BLNK: variants seen among roughly 807,000 people sequenced by gnomAD.
BLNK encodes the protein B-cell linker protein.
BLNK carries 29 observed loss-of-function variants against 73.5 expected under a neutral mutation model. The ratio of observed to expected loss-of-function variants is 0.39; its 90% CI spans 0.29 to 0.54. BLNK has a LOEUF of 0.54. Ranked by LOEUF, BLNK falls within the 20% of genes least tolerant of loss-of-function variation. BLNK has a pLI of 0.61. For synonymous variants in BLNK, 176 were observed against 200.8 expected (o/e 0.88, Z 1.04); for missense variants, 460 against 562.8 (o/e 0.82, Z 1.85).
chr10:96,241,844 C>A lies in BLNK; in HGVS notation c.163+891G>T, dbSNP rs868944463. ...CTCAGTGATCCTCCCACCTCAGCCT[C>A]CTGAGTAGCTGGGACTACAGGTGCA... On this transcript the variant is annotated intron_variant, in intron 3 of 16. Coordinates refer to ENST00000224337, the MANE Select transcript of BLNK (RefSeq NM_013314.4). 1.6e-4 allele frequency among the ~76,000 whole-genome samples: 25 copies of A among 152,072 alleles called. No homozygotes were observed. In the Middle Eastern group the frequency reaches 0.014, roughly 83 times the overall value.
intron 16 of BLNK, among the ~76,000 whole-genome samples, chr10:96,192,386 C>T (rs1270120388): frequency 1.3e-5 from 2 of 152,000 alleles, no homozygotes; most frequent in Non-Finnish European, 2.9e-5. Flanking sequence ...TTTTATTTAC[C>T]GTTAAATGTA....
chr10:96,202,931 T>C (rs12762814), intron 13 of BLNK, among the ~76,000 whole-genome samples: 88,351 of 152,048 alleles, frequency 0.58, 26,342 homozygotes, highest in Non-Finnish European at 0.64. Flanking sequence ...TCTCAGACCA[T>C]CCTGTCTACA....
At chr10:96,249,034 A>T (rs782712209) in intron 1 of BLNK, among the ~76,000 whole-genome samples, 18 of 152,244 alleles carry the variant, frequency 1.2e-4, no homozygotes, top group Non-Finnish European at 2.1e-4. Context: ...ATAAAATTTC[A>T]CGTGGTTCTT....
At chr10:96,250,904 A>G (rs1843257708) in intron 1 of BLNK, among the ~76,000 whole-genome samples, 2 of 152,244 alleles carry the variant, frequency 1.3e-5, no homozygotes, top group Admixed American at 6.5e-5. Flanking sequence ...GTTGATGCAT[A>G]ATAGCAGTAG....
intron 8 of BLNK, among the ~76,000 whole-genome samples, chr10:96,210,863 G>GTTTTTGTTTTTTT (rs1564821379): frequency 8.2e-6 from 1 of 121,950 alleles, no homozygotes; most frequent in Non-Finnish European, 1.7e-5. Context: ...CCACAATTCC[G>GTTTTTGTTTTTTT]TTTTTTTTTT....
At chr10:96,265,111 A>G (rs1395507655) in intron 1 of BLNK, among the ~76,000 whole-genome samples, 3 of 134,956 alleles carry the variant, frequency 2.2e-5, no homozygotes, top group Admixed American at 7.8e-5. Flanking sequence ...GCATGCCACC[A>G]CACCAGACTT....
chr10:96,268,558 A>G (rs1206707880), intron 1 of BLNK, among the ~76,000 whole-genome samples: 1 of 152,160 alleles, frequency 6.6e-6, no homozygotes, highest in Non-Finnish European at 1.5e-5. Flanking sequence ...GTCACAAGCA[A>G]CTTAGCCATC....
chr10:96,194,891 C>T (rs2083423994), intron 16 of BLNK, among the ~76,000 whole-genome samples: 1 of 150,660 alleles, frequency 6.6e-6, no homozygotes, highest in Non-Finnish European at 1.5e-5. Flanking sequence ...CTGCCTCAGC[C>T]TCCTGTGTAG....
chr10:96,215,479 G>A, intron 7 of BLNK, 90 bp from the exon 8 acceptor site: 1 of 1,262,268 alleles, frequency 7.9e-7, no homozygotes, highest in Non-Finnish European at 1.1e-6. Context: ...TCACACTCAG[G>A]GAAAAATGAT....
chr10:96,250,839 T>C (rs1420211786), intron 1 of BLNK, among the ~76,000 whole-genome samples: 3 of 152,256 alleles, frequency 2.0e-5, no homozygotes, highest in Non-Finnish European at 4.4e-5. Context: ...TTATACTATG[T>C]AACTATATAA....
chr10:96,219,215 T>A (rs1157767931), intron 6 of BLNK, among the ~76,000 whole-genome samples: 1 of 152,220 alleles, frequency 6.6e-6, no homozygotes, highest in Non-Finnish European at 1.5e-5. Context: ...CCTCACTGAA[T>A]TGAATTGAAA....
chr10:96,230,251 G>A (rs1283895707), intron 4 of BLNK, among the ~76,000 whole-genome samples: 2 of 152,140 alleles, frequency 1.3e-5, no homozygotes, highest in Non-Finnish European at 2.9e-5. Context: ...ATGTTCTCTT[G>A]ATCACAGCAA....
intron 1 of BLNK, among the ~76,000 whole-genome samples, chr10:96,266,317 C>T (rs1283621930): frequency 3.9e-5 from 6 of 152,262 alleles, no homozygotes; most frequent in African/African-American, 7.2e-5. Context: ...GAAACCTAAT[C>T]AATTGTATCA....
At chr10:96,254,520 G>T (rs962301675) in intron 1 of BLNK, among the ~76,000 whole-genome samples, 3,222 of 141,688 alleles carry the variant, frequency 0.023, 113 homozygotes, top group African/African-American at 0.075. Flanking sequence ...GTTTTGTTTT[G>T]TTTTTTTGAG....
chr10:96,254,636 G>A (rs1277816648), intron 1 of BLNK, among the ~76,000 whole-genome samples: 4 of 152,010 alleles, frequency 2.6e-5, no homozygotes, highest in South Asian at 2.1e-4. Context: ...TCAGCCTCCC[G>A]AGTAGCTGGG....
intron 1 of BLNK, among the ~76,000 whole-genome samples, chr10:96,264,818 T>C (rs1280419881): frequency 6.6e-6 from 1 of 152,202 alleles, no homozygotes; most frequent in Non-Finnish European, 1.5e-5. Context: ...TTTTCATATA[T>C]AACCAAGAAG....
intron 13 of BLNK, among the ~76,000 whole-genome samples, chr10:96,202,601 C>T (rs1260428638): frequency 1.3e-5 from 2 of 152,048 alleles, no homozygotes; most frequent in African/African-American, 2.4e-5. Flanking sequence ...AAGGCAGCCA[C>T]CATTGTAAGA....
chr10:96,200,505 G>A lies in BLNK; in HGVS notation c.1012-347C>T, dbSNP rs2083602647. On this transcript the variant is annotated intron_variant, in intron 14 of 16. Transcript: ENST00000224337. The surrounding 1 kb of genome is among the most constrained non-coding windows in gnomAD (Gnocchi z 4.3). ...ACAAATATTATTTTATTTGATTCTT[G>A]CAAGAAAGGATATATGCCTTCTTTG... 6.6e-6 allele frequency among the ~76,000 whole-genome samples: 1 copy of A among 151,972 alleles called. No individual in the cohort carries two copies. Among genetic ancestry groups the A allele is most frequent in the Admixed American group, 6.6e-5 (1 of 15,256 alleles).
intron 16 of BLNK, among the ~76,000 whole-genome samples, chr10:96,193,935 A>G (rs2083393484): frequency 6.6e-6 from 1 of 152,202 alleles, no homozygotes; most frequent in Non-Finnish European, 1.5e-5. Flanking sequence ...TCTTTTTATT[A>G]TAGATACTTT....
Sources: gnomAD v4.1 joint callset for allele counts (sites outside exome capture counted in the v4.1 genomes callset) on GRCh38, gnomAD v4.1.1 for gene constraint, Gnocchi (gnomAD v3.1) non-coding constraint, MANE v1.5 for transcripts, NCBI Gene and HGNC (gene_info 2026-07-23, HGNC 2026-07-21) for gene names.